Variants in EYA4 observed in about 807,000 individuals in gnomAD.
The protein encoded by EYA4 is EYA transcriptional coactivator and phosphatase 4.
Under a neutral mutation model 87.9 loss-of-function variants are expected in EYA4, and 31 were observed. That is an observed-to-expected ratio of 0.35 (90% confidence interval 0.27 to 0.48). The LOEUF (loss-of-function observed/expected upper bound fraction) is 0.48, where lower values mean the gene tolerates loss of function less well. Among genes scored for constraint, EYA4 ranks in the 20% least tolerant of loss-of-function variants. The pLI, the probability that EYA4 is intolerant of heterozygous loss-of-function variation, is 0.99. For synonymous variants in EYA4, 263 were observed against 270.6 expected (o/e 0.97, Z 0.28); for missense variants, 678 against 761.4 (o/e 0.89, Z 1.29).
intron 2 of EYA4, among the ~76,000 whole-genome samples, chr6:133,322,595 A>C (rs1294710466): frequency 6.6e-6 from 1 of 152,156 alleles, no homozygotes; most frequent in African/African-American, 2.4e-5. Flanking sequence ...ATAGTATTAC[A>C]TCTCATAGTA....
intron 13 of EYA4, among the ~76,000 whole-genome samples, chr6:133,487,449 C>T (rs1346892667): frequency 6.6e-6 from 1 of 152,160 alleles, no homozygotes; most frequent in African/African-American, 2.4e-5. Context: ...GGCATCACAG[C>T]TCACAGTTCT....
rs758572308 is a variant in EYA4, at chr6:133,523,018, A to G, written c.1617-38A>G. The G allele has an allele frequency of 1.4e-5, 22 of 1,553,648 alleles. No homozygotes were observed. The Admixed American group carries it at 3.3e-4, about 24-fold the overall frequency. On this transcript the variant is annotated intron_variant, in intron 17 of 19. Transcript: ENST00000355286. ...TTAAATCTATTAGAAGTTATTTAGT[A>G]TTAGAAAACAAACATGTATATTTCC... is the stretch of plus-strand genomic sequence containing the variant.
chr6:133,405,236 A>G (rs1562381908), intron 3 of EYA4, among the ~76,000 whole-genome samples: 2 of 152,140 alleles, frequency 1.3e-5, no homozygotes, highest in Non-Finnish European at 2.9e-5. Flanking sequence ...GATCTTAGCC[A>G]TCTCCTGGCA....
intron 3 of EYA4, among the ~76,000 whole-genome samples, chr6:133,428,221 G>A (rs1465844360): frequency 6.6e-6 from 1 of 152,158 alleles, no homozygotes; most frequent in Non-Finnish European, 1.5e-5. Context: ...AGAGAGATAT[G>A]AGGGCTGAGG....
intron 12 of EYA4, among the ~76,000 whole-genome samples, chr6:133,482,580 C>T (rs1287352061): frequency 6.6e-6 from 1 of 152,188 alleles, no homozygotes; most frequent in African/African-American, 2.4e-5. Context: ...ATCTGCTGGC[C>T]TAATGTGACC....
chr6:133,243,494 C>A (rs1188912520), intron 1 of EYA4, among the ~76,000 whole-genome samples: 1 of 152,118 alleles, frequency 6.6e-6, no homozygotes, highest in Non-Finnish European at 1.5e-5. Flanking sequence ...TCCCCATCAG[C>A]AGCTTCTGAA....
At chr6:133,353,298 T>G (rs1418943416) in intron 2 of EYA4, among the ~76,000 whole-genome samples, 1 of 152,128 alleles carries the variant, frequency 6.6e-6, no homozygotes, top group Non-Finnish European at 1.5e-5. Context: ...TGTGCTTCCA[T>G]GCTGTGTATG....
chr6:133,510,654 C>T, intron 14 of EYA4: 1 of 206,178 alleles, frequency 4.9e-6, no homozygotes, highest in Non-Finnish European at 9.9e-6. Context: ...AATACTTGGT[C>T]AAAGAGGGGA....
rs1800906717 is a variant in EYA4, at chr6:133,529,837, A to G, written c.*1032A>G. On this transcript the variant is annotated 3_prime_UTR_variant, in exon 20 of 20. Coordinates refer to ENST00000355286, the MANE Select transcript of EYA4 (RefSeq NM_004100.5). ...GTTTTACTGGAGAAAACTAAGAGCC[A>G]TATTCATGACAACTTGCACAGTTTT... The G allele has an allele frequency of 1.0e-6, 1 of 985,442 alleles. No individual in the cohort carries two copies. Among genetic ancestry groups the G allele is most frequent in the Non-Finnish European group, 1.2e-6 (1 of 829,918 alleles). The allele number at this position is 985,442 out of a possible 1,614,324, so 61.0% of individuals were successfully genotyped here.
intron 13 of EYA4, among the ~76,000 whole-genome samples, chr6:133,486,772 G>A (rs571517315): frequency 5.8e-4 from 88 of 152,266 alleles, no homozygotes; most frequent in Admixed American, 2.9e-3. Flanking sequence ...AGTGTGGCTG[G>A]AAGGTTGTAA....
At chr6:133,263,274 A>C (rs1402700779) in intron 1 of EYA4, among the ~76,000 whole-genome samples, 2 of 152,352 alleles carry the variant, frequency 1.3e-5, no homozygotes, top group Non-Finnish European at 1.5e-5. Context: ...AAGATAGCTC[A>C]TGAAATGCAA....
chr6:133,308,281 G>A lies in EYA4; in HGVS notation c.33+33468G>A, dbSNP rs1360161512. On this transcript the variant is annotated intron_variant, in intron 2 of 19. Transcript: ENST00000355286. ...AGGCATTATTCCTGTTTTTACAGAT[G>A]ATATAGCTAGGATCAGAGAGGTTAA... 4.6e-5 allele frequency among the ~76,000 whole-genome samples: 7 copies of A among 152,136 alleles called. No homozygotes were observed. In the East Asian group the frequency reaches 5.8e-4, roughly 13 times the overall value.
Position 133,523,112 on chromosome 6 carries a change from A to G in EYA4, c.1673A>G (p.Lys558Arg). ...ACTCAACTGATCCCAGCACTTGCGAAGGTTCTACTCTATAGTTTAGGAGGT... is the reference window on the plus strand; with the variant it reads ...ACTCAACTGATCCCAGCACTTGCGAGGGTTCTACTCTATAGTTTAGGAGGT... ...TTTQLIPALA[K>R]VLLYSLGGAF... Residue 558 changes from lysine (K) to arginine (R), a missense_variant, in exon 18 of 20, where the codon AAG becomes AGG. Physicochemically the swap from Lys to Arg is conservative, Grantham distance 26 (BLOSUM62 2). Coordinates refer to ENST00000355286, the MANE Select transcript of EYA4 (RefSeq NM_004100.5). 6.2e-7 allele frequency: 1 copy of G among 1,612,426 alleles called. No homozygotes were observed. The highest frequency in any genetic ancestry group is 8.5e-7 in the Non-Finnish European group (1 of 1,178,658).
At chr6:133,264,708 T>A (rs1462347294) in intron 1 of EYA4, among the ~76,000 whole-genome samples, 4 of 152,208 alleles carry the variant, frequency 2.6e-5, no homozygotes, top group Non-Finnish European at 5.9e-5. Flanking sequence ...CGTTTCCATG[T>A]GCAGCGTCGG....
At chr6:133,462,997 A>T (rs753046005) in intron 9 of EYA4, among the ~76,000 whole-genome samples, 5 of 152,186 alleles carry the variant, frequency 3.3e-5, no homozygotes, top group Admixed American at 6.5e-5. Flanking sequence ...TAACATCAGC[A>T]GGAAACCAAG....
intron 12 of EYA4, among the ~76,000 whole-genome samples, chr6:133,482,357 G>A (rs555271614): frequency 5.3e-5 from 8 of 152,288 alleles, no homozygotes; most frequent in Non-Finnish European, 7.4e-5. Flanking sequence ...ATGAGTGACC[G>A]GGCTGAGTTG....
intron 1 of EYA4, among the ~76,000 whole-genome samples, chr6:133,270,811 G>A (rs747517275): frequency 2.7e-4 from 41 of 152,040 alleles, no homozygotes; most frequent in Non-Finnish European, 4.9e-4. Flanking sequence ...CCTTACCTCC[G>A]TTGTGGAGTA....
chr6:133,319,761 G>A (rs1222414972), intron 2 of EYA4, among the ~76,000 whole-genome samples: 1 of 148,580 alleles, frequency 6.7e-6, no homozygotes, highest in Non-Finnish European at 1.5e-5. Flanking sequence ...CTGTCACTCA[G>A]GCTGGAGCAC....
chr6:133,475,271 T>A (rs1163520631), intron 11 of EYA4, among the ~76,000 whole-genome samples: 1 of 152,076 alleles, frequency 6.6e-6, no homozygotes, highest in African/African-American at 2.4e-5. Context: ...TATATCAGAT[T>A]TTTTATTTGT....
Sources: gnomAD v4.1 joint callset for allele counts (sites outside exome capture counted in the v4.1 genomes callset) on GRCh38, gnomAD v4.1.1 for gene constraint, MANE v1.5 for transcripts, NCBI Gene and HGNC (gene_info 2026-07-23, HGNC 2026-07-21) for gene names.